The following MAML3 variants were observed in gnomAD, a reference collection of about 807,000 sequenced individuals.
The protein encoded by MAML3 is mastermind-like protein 3.
In MAML3, 27 loss-of-function variants were observed where a neutral mutation model predicts 101.9. The observed-to-expected ratio is 0.27, with a 90% CI of 0.20 to 0.37. The LOEUF is 0.37. Ranked by LOEUF, MAML3 falls within the 10% of genes least tolerant of loss-of-function variation. The pLI is 1.00. For synonymous variants in MAML3, 501 were observed against 555.9 expected (o/e 0.90, Z 1.39); for missense variants, 1,316 against 1,444.9 (o/e 0.91, Z 1.45).
chr4:139,943,864 CTTTTT>C (rs10644498), intron 1 of MAML3, among the ~76,000 whole-genome samples: 22 of 65,826 alleles, frequency 3.3e-4, no homozygotes, highest in South Asian at 2.7e-3. Flanking sequence ...CTAAAGACAA[CTTTTT>C]TTTTTTTTTT....
intron 2 of MAML3, among the ~76,000 whole-genome samples, chr4:139,881,145 A>C (rs773173890): frequency 2.0e-5 from 3 of 152,160 alleles, no homozygotes; most frequent in Non-Finnish European, 4.4e-5. Context: ...GCAAAAAGGA[A>C]AACTGGCTGC....
intron 1 of MAML3, among the ~76,000 whole-genome samples, chr4:140,073,072 T>A (rs980087527): frequency 3.9e-5 from 6 of 152,004 alleles, no homozygotes; most frequent in African/African-American, 1.2e-4. Flanking sequence ...CTATAAAATC[T>A]ATGGGAGAAC....
intron 2 of MAML3, among the ~76,000 whole-genome samples, chr4:139,885,932 CAAAAAA>C (rs1182443191): frequency 2.5e-4 from 5 of 20,312 alleles, no homozygotes; most frequent in East Asian, 0.011. Flanking sequence ...GACTCCGTCT[CAAAAAA>C]AAAAAAAAAA....
intron 1 of MAML3, among the ~76,000 whole-genome samples, chr4:139,995,364 A>G (rs545426133): frequency 6.6e-6 from 1 of 152,302 alleles, no homozygotes; most frequent in African/African-American, 2.4e-5. Context: ...ATTGTCTGGC[A>G]TTAGTATCCT....
At chr4:139,878,205 C>T (rs1479920682) in intron 2 of MAML3, among the ~76,000 whole-genome samples, 1 of 152,144 alleles carries the variant, frequency 6.6e-6, no homozygotes, top group Non-Finnish European at 1.5e-5. Context: ...TTCTACCCAC[C>T]CTCTATCCCG....
chr4:139,974,444 A>G (rs1734293301), intron 1 of MAML3, among the ~76,000 whole-genome samples: 1 of 152,124 alleles, frequency 6.6e-6, no homozygotes. Flanking sequence ...CATGAGTACT[A>G]TGTTAACCAC....
At chr4:139,755,229 A>G (rs1729619908) in intron 2 of MAML3, among the ~76,000 whole-genome samples, 1 of 152,198 alleles carries the variant, frequency 6.6e-6, no homozygotes. Context: ...CTGGGAGTGA[A>G]ACGCACTGGG....
chr4:139,920,964 T>C (rs1733120775), intron 1 of MAML3, among the ~76,000 whole-genome samples: 1 of 152,132 alleles, frequency 6.6e-6, no homozygotes, highest in South Asian at 2.1e-4. Context: ...TTCCCTTTGC[T>C]CCACTCACAC....
At chr4:140,121,335 T>C (rs1214077198) in intron 1 of MAML3, among the ~76,000 whole-genome samples, 1 of 152,244 alleles carries the variant, frequency 6.6e-6, no homozygotes, top group Non-Finnish European at 1.5e-5. Context: ...TTGGAAGCCT[T>C]AGAAGACTAT....
At chr4:139,873,961 A>G (rs1484649590) in intron 2 of MAML3, among the ~76,000 whole-genome samples, 1 of 152,258 alleles carries the variant, frequency 6.6e-6, no homozygotes, top group Non-Finnish European at 1.5e-5. Context: ...AATCTTTCCA[A>G]TAGAGCTCTT....
chr4:139,982,403 C>T (rs916642167), intron 1 of MAML3, among the ~76,000 whole-genome samples: 1 of 152,154 alleles, frequency 6.6e-6, no homozygotes, highest in East Asian at 1.9e-4. Context: ...CCCAGCCCTA[C>T]AATCAGCCAC....
rs34801574 is a variant in MAML3 at position 139,748,053 on chromosome 4, T to TAAA, written c.2080-17389_2080-17387dup. 1.7e-3 allele frequency among the ~76,000 whole-genome samples: 159 copies of TAAA among 95,492 alleles called. 3 individuals carry two copies. The highest frequency in any genetic ancestry group is 4.0e-3 in the African/African-American group (98 of 24,776). 62.6% of individuals were successfully genotyped at this position (95,492 alleles called of 152,430 possible). A position where few individuals can be genotyped will look rare whatever the true frequency, so the allele number is the denominator to read the frequency against. On this transcript the variant is annotated intron_variant, in intron 2 of 4. Transcript: ENST00000509479. The stretch of plus-strand genomic sequence containing the variant: ...TGGGTGGACAGAGCAAGACTTCGTC[T>TAAA]AAAAAAAAAAAAAAAAAAAAAAAGA...
intron 2 of MAML3, among the ~76,000 whole-genome samples, chr4:139,742,516 T>C (rs1729203433): frequency 6.6e-6 from 1 of 152,222 alleles, no homozygotes; most frequent in African/African-American, 2.4e-5. Flanking sequence ...GCTTGGCTTA[T>C]AGTAGGCGCT....
At chr4:140,124,170 G>C (rs543634733) in intron 1 of MAML3, among the ~76,000 whole-genome samples, 1 of 152,262 alleles carries the variant, frequency 6.6e-6, no homozygotes, top group East Asian at 1.9e-4. Context: ...CACACGTTCT[G>C]CCCTTCCTCT....
At chr4:140,020,447 C>T (rs1726714387) in intron 1 of MAML3, among the ~76,000 whole-genome samples, 1 of 151,412 alleles carries the variant, frequency 6.6e-6, no homozygotes, top group Non-Finnish European at 1.5e-5. Flanking sequence ...CAGTTCTGGC[C>T]TGGTATTTGC....
chr4:139,762,078 T>C (rs2111054655), intron 2 of MAML3, among the ~76,000 whole-genome samples: 1 of 152,280 alleles, frequency 6.6e-6, no homozygotes, highest in South Asian at 2.1e-4. Flanking sequence ...ATGCAGAAAC[T>C]TGCATGGATG....
At chr4:140,013,026 T>TA (rs1420935627) in intron 1 of MAML3, among the ~76,000 whole-genome samples, 2 of 152,220 alleles carry the variant, frequency 1.3e-5, no homozygotes, top group Non-Finnish European at 2.9e-5. Flanking sequence ...GAGTGCTTTT[T>TA]AAAAAATGAA....
chr4:139,739,271 G>A (rs975738902), intron 2 of MAML3, among the ~76,000 whole-genome samples: 62 of 152,330 alleles, frequency 4.1e-4, no homozygotes, highest in African/African-American at 1.4e-3. Context: ...GCAGTCCAGT[G>A]CTAAATGTGA....
intron 1 of MAML3, among the ~76,000 whole-genome samples, chr4:139,983,832 A>G (rs1481441077): frequency 6.6e-6 from 1 of 152,184 alleles, no homozygotes; most frequent in African/African-American, 2.4e-5. Context: ...TTGATAATCC[A>G]TGGTCAAGAG....
Sources: allele counts gnomAD v4.1 joint callset (sites outside exome capture counted in the v4.1 genomes callset), GRCh38; gene constraint gnomAD v4.1.1; transcripts MANE v1.5; gene names NCBI Gene and HGNC (gene_info 2026-07-23, HGNC 2026-07-21).